Variants in GIMAP8 observed in about 807,000 individuals in gnomAD.
GIMAP8 encodes the protein GTPase IMAP family member 8.
A neutral mutation model predicts 35.6 loss-of-function variants in GIMAP8; 29 were observed. The observed-to-expected ratio is 0.81, with a 90% confidence interval of 0.61 to 1.11. GIMAP8 has a LOEUF of 1.11. Ranked by LOEUF, GIMAP8 falls within the 50% of genes most tolerant of loss-of-function variation. The pLI, the probability that GIMAP8 is intolerant of heterozygous loss-of-function variation, is 0.00. For missense variants in GIMAP8, 811 were observed against 805.0 expected (o/e 1.01, Z -0.09); for synonymous variants, 335 against 308.7 (o/e 1.09, Z -0.89).
intron 1 of GIMAP8, among the ~76,000 whole-genome samples, chr7:150,456,895 A>C (rs1450323655): frequency 1.3e-5 from 2 of 152,254 alleles, no homozygotes; most frequent in Non-Finnish European, 2.9e-5. Context: ...AAAATAAAGA[A>C]TATCTCTTTG....
rs775508082 is a variant in GIMAP8, at chr7:150,466,957, T to C, written c.259T>C (p.Leu87=). 1.2e-6 allele frequency: 2 copies of C among 1,614,252 alleles called. No homozygotes were observed. Among genetic ancestry groups the C allele is most frequent in the Non-Finnish European group, 1.7e-6 (2 of 1,180,042 alleles). ...CAAGCAACGCAACATCCAACACTGC[T>C]TGGAGCTCTCTGCTCCCAGCCTCCA... ...EDKQRNIQHC[L]ELSAPSLHAL... is the part of the protein sequence containing the mutation. Residue 87 remains leucine, a synonymous_variant, in exon 2 of 5, where the codon TTG becomes CTG. Coordinates refer to ENST00000307271, the MANE Select transcript of GIMAP8 (RefSeq NM_175571.4).
At chr7:150,471,259 G>T (rs1802083816) in intron 3 of GIMAP8, among the ~76,000 whole-genome samples, 1 of 152,184 alleles carries the variant, frequency 6.6e-6, no homozygotes, top group Admixed American at 6.5e-5. Flanking sequence ...TTCTCTGATG[G>T]GGTGCAGTAT....
intron 1 of GIMAP8, among the ~76,000 whole-genome samples, chr7:150,454,605 G>GA (rs1277121456): frequency 6.6e-6 from 1 of 152,102 alleles, no homozygotes; most frequent in East Asian, 1.9e-4. Flanking sequence ...CTTGATTGTG[G>GA]AAGGTACCAC....
chr7:150,463,047 C>T (rs1801873514), intron 1 of GIMAP8, among the ~76,000 whole-genome samples: 1 of 151,902 alleles, frequency 6.6e-6, no homozygotes, highest in African/African-American at 2.4e-5. Flanking sequence ...TTTTTTTTAT[C>T]CAGACTGAAT....
intron 1 of GIMAP8, among the ~76,000 whole-genome samples, chr7:150,453,957 G>C (rs1801675085): frequency 6.6e-6 from 1 of 152,120 alleles, no homozygotes; most frequent in African/African-American, 2.4e-5. Flanking sequence ...GGGGCACAGA[G>C]GCATGGACAG....
At chr7:150,463,789 GC>G (rs1801893267) in intron 1 of GIMAP8, among the ~76,000 whole-genome samples, 1 of 152,222 alleles carries the variant, frequency 6.6e-6, no homozygotes, top group African/African-American at 2.4e-5. Context: ...CCTCTGAGTG[GC>G]ATATACAAAC....
intron 4 of GIMAP8, among the ~76,000 whole-genome samples, chr7:150,476,040 T>C (rs1802220212): frequency 6.6e-6 from 1 of 152,054 alleles, no homozygotes; most frequent in African/African-American, 2.4e-5. Context: ...ATTTCAGAGG[T>C]ACATGAGAAA....
intron 4 of GIMAP8, among the ~76,000 whole-genome samples, chr7:150,475,640 G>T (rs1802212147): frequency 2.0e-5 from 3 of 150,264 alleles, no homozygotes; most frequent in Admixed American, 6.7e-5. Context: ...TACTCATCCC[G>T]TTTTTTTTTC....
intron 2 of GIMAP8, 59 bp from the exon 3 acceptor site, chr7:150,470,770 A>ATTTTTTTT (rs1357852628): frequency 1.4e-3 from 321 of 223,904 alleles, no homozygotes; most frequent in Non-Finnish European, 1.9e-3. Context: ...TTTTTTTTTC[A>ATTTTTTTT]GTTTGTGGAA....
intron 1 of GIMAP8, among the ~76,000 whole-genome samples, chr7:150,460,695 A>G (rs1165884112): frequency 6.6e-6 from 1 of 152,180 alleles, no homozygotes; most frequent in Non-Finnish European, 1.5e-5. Context: ...AAACTCCCCT[A>G]TGAGGTCATG....
chr7:150,465,474 G>A (rs1801934763), intron 1 of GIMAP8, among the ~76,000 whole-genome samples: 3 of 152,324 alleles, frequency 2.0e-5, no homozygotes, highest in Middle Eastern at 6.8e-3. Context: ...GTTTTGCCAT[G>A]AATTTCCAGG....
chr7:150,477,125 G>A lies in GIMAP8; in HGVS notation c.1343G>A (p.Gly448Glu), dbSNP rs1185752835. The A allele has an allele frequency of 1.2e-6, 2 of 1,610,582 alleles. No individual in the cohort carries two copies. Among genetic ancestry groups the A allele is most frequent in the Non-Finnish European group, 8.5e-7 (1 of 1,176,976 alleles). ...TLNIVLVGRS[G>E]TGKSATGNSI... Reference sequence around the variant, plus strand: ...AACATTGTCCTTGTGGGGAGAAGCGGGACTGGGAAGAGTGCGACCGGGAAC... The same window carrying A: ...AACATTGTCCTTGTGGGGAGAAGCGAGACTGGGAAGAGTGCGACCGGGAAC... Residue 448 changes from glycine (G) to glutamate (E), a missense_variant, in exon 5 of 5, where the codon GGG becomes GAG. Gly to Glu is a moderately conservative substitution (Grantham distance 98). Coordinates refer to ENST00000307271, the MANE Select transcript of GIMAP8 (RefSeq NM_175571.4).
Position 150,467,258 on chromosome 7 carries a change from G to C in GIMAP8, c.560G>C (p.Arg187Pro), listed in dbSNP as rs200592029. ...EQITQVLELL[R>P]KVESLVNTNG... is the part of the protein sequence containing the mutation. ...ATCACCCAGGTGTTGGAGCTCCTTC[G>C]CAAGGTTGAGTCTTTGGTGAATACG... The change falls in exon 2 of 5, where the codon CGC (arginine) becomes CCC (proline). Residue 187 changes from arginine to proline, a missense_variant. Coordinates refer to ENST00000307271, the MANE Select transcript of GIMAP8 (RefSeq NM_175571.4). 1.2e-6 allele frequency: 2 copies of C among 1,614,158 alleles called. No individual in the cohort carries two copies. Among genetic ancestry groups the C allele is most frequent in the South Asian group, 1.1e-5 (1 of 91,082 alleles).
At chr7:150,454,442 T>G (rs899857461) in intron 1 of GIMAP8, among the ~76,000 whole-genome samples, 15 of 152,144 alleles carry the variant, frequency 9.9e-5, no homozygotes, top group African/African-American at 3.6e-4. Context: ...CTGGAAAAGT[T>G]AGGAAAGGCT....
intron 1 of GIMAP8, among the ~76,000 whole-genome samples, chr7:150,458,573 C>T (rs1238527044): frequency 6.6e-6 from 1 of 152,186 alleles, no homozygotes; most frequent in Non-Finnish European, 1.5e-5. Flanking sequence ...TTAACCAGCA[C>T]ATGTCCTCAC....
At chr7:150,452,593 A>ATATGTATATATG (rs1173464478) in intron 1 of GIMAP8, among the ~76,000 whole-genome samples, 1 of 147,588 alleles carries the variant, frequency 6.8e-6, no homozygotes, top group Non-Finnish European at 1.5e-5. Context: ...ATATGTATAT[A>ATATGTATATATG]TATGTATATA....
intron 1 of GIMAP8, among the ~76,000 whole-genome samples, chr7:150,460,552 A>G (rs933500842): frequency 1.3e-5 from 2 of 152,204 alleles, no homozygotes; most frequent in Non-Finnish European, 2.9e-5. Context: ...TTCCTTGACT[A>G]CTGTCCTTCA....
chr7:150,470,947 C>T (rs546852696), intron 3 of GIMAP8, 73 bp downstream of exon 3: 38 of 1,139,834 alleles, frequency 3.3e-5, no homozygotes, highest in South Asian at 2.7e-4. Flanking sequence ...CAAAGTGAAG[C>T]GGAAACATTA....
chr7:150,456,228 A>G (rs13222624), intron 1 of GIMAP8, among the ~76,000 whole-genome samples: 7,923 of 152,254 alleles, frequency 0.052, 235 homozygotes, highest in Middle Eastern at 0.068. Context: ...AATTGCCACA[A>G]ACTTAGTGGC....
Sources: allele counts gnomAD v4.1 joint callset (sites outside exome capture counted in the v4.1 genomes callset), GRCh38; gene constraint gnomAD v4.1.1; transcripts MANE v1.5; gene names NCBI Gene and HGNC (gene_info 2026-07-23, HGNC 2026-07-21).